The following PDE1A variants were observed in gnomAD, a reference collection of about 807,000 sequenced individuals.
The protein encoded by PDE1A is phosphodiesterase 1A.
PDE1A carries 35 observed loss-of-function variants against 61.7 expected under a neutral mutation model. The observed-to-expected ratio is 0.57, with a 90% CI of 0.43 to 0.75. PDE1A has a LOEUF of 0.75. PDE1A is among the 30% of genes least tolerant of loss of function. PDE1A has a pLI of 0.00. For missense variants in PDE1A, 597 were observed against 630.6 expected, an observed-to-expected ratio of 0.95 and a Z score of 0.57; for synonymous variants, 232 against 213.2, an observed-to-expected ratio of 1.09 and a Z score of -0.77.
the PDE1A span, among the ~76,000 whole-genome samples, chr2:182,669,100 C>A: frequency 6.7e-6 from 1 of 149,556 alleles, no homozygotes; most frequent in African/African-American, 2.6e-5. Context: ...GAAGGTTGAA[C>A]TTTGAATTAA....
chr2:182,458,500 G>C (rs1686064840), intron 2 of PDE1A, among the ~76,000 whole-genome samples: 1 of 152,086 alleles, frequency 6.6e-6, no homozygotes, highest in African/African-American at 2.4e-5. Context: ...CAGGCTATGT[G>C]AGGGGGATAT....
At chr2:182,284,760 A>G (rs1053238792) in intron 1 of PDE1A, among the ~76,000 whole-genome samples, 9 of 152,148 alleles carry the variant, frequency 5.9e-5, no homozygotes, top group African/African-American at 2.2e-4. Context: ...TCATCAATAT[A>G]GGATCATGTT....
At chr2:182,621,317 C>A in the PDE1A span, among the ~76,000 whole-genome samples, 1 of 152,228 alleles carries the variant, frequency 6.6e-6, no homozygotes, top group Non-Finnish European at 1.5e-5. Flanking sequence ...ACACTCCCCA[C>A]TCCCTTAACC....
chr2:182,146,580 G>A (rs1184266435), downstream of PDE1A, among the ~76,000 whole-genome samples: 1 of 152,032 alleles, frequency 6.6e-6, no homozygotes, highest in African/African-American at 2.4e-5. Flanking sequence ...TGCTTCCCAG[G>A]TTCAAGCAAC....
the PDE1A span, among the ~76,000 whole-genome samples, chr2:182,711,446 C>G: frequency 5.8e-4 from 88 of 151,998 alleles, no homozygotes; most frequent in African/African-American, 2.1e-3. Context: ...CAGTTTTATA[C>G]ATATGTAAAT....
rs534387630 is a variant in PDE1A at position 182,468,868 on chromosome 2, G to A, written c.101+53408C>T. 2.0e-5 allele frequency among the ~76,000 whole-genome samples: 3 copies of A among 152,070 alleles called. No individual in the cohort carries two copies. The East Asian group carries it at 5.8e-4, about 30-fold the overall frequency. ...TTTTACATCACTAGCAGAGCTCCTG[G>A]GTGACCAGATGCATTGTTAATGAGC... On this transcript the variant is annotated intron_variant, in intron 2 of 14. Transcript: ENST00000410103.
chr2:182,514,725 A>T (rs1161826033), intron 2 of PDE1A, among the ~76,000 whole-genome samples: 5 of 152,168 alleles, frequency 3.3e-5, no homozygotes, highest in Non-Finnish European at 7.3e-5. Flanking sequence ...CTAAAAGAAA[A>T]CCTAGAAAAT....
intron 2 of PDE1A, among the ~76,000 whole-genome samples, chr2:182,453,996 C>T (rs910991631): frequency 4.6e-5 from 7 of 151,998 alleles, no homozygotes; most frequent in African/African-American, 7.2e-5. Context: ...TTGCAGATGA[C>T]ATGACTGTAT....
intron 10 of PDE1A, among the ~76,000 whole-genome samples, chr2:182,189,680 A>G (rs1306975253): frequency 1.3e-5 from 2 of 152,172 alleles, no homozygotes; most frequent in African/African-American, 4.8e-5. Context: ...AAAATAGATT[A>G]ATTGAGCACA....
At chr2:182,498,801 G>A (rs1041378709) in intron 2 of PDE1A, among the ~76,000 whole-genome samples, 1 of 151,898 alleles carries the variant, frequency 6.6e-6, no homozygotes, top group African/African-American at 2.4e-5. Flanking sequence ...AAAATTAGCC[G>A]GACGCGGTGG....
intron 1 of PDE1A, among the ~76,000 whole-genome samples, chr2:182,321,287 C>A (rs1319698432): frequency 6.6e-6 from 1 of 152,134 alleles, no homozygotes; most frequent in Non-Finnish European, 1.5e-5. Context: ...TTTCAATTGG[C>A]ATACTTCTCT....
the PDE1A span, among the ~76,000 whole-genome samples, chr2:182,643,943 A>G: frequency 1.5e-4 from 23 of 152,162 alleles, no homozygotes; most frequent in Admixed American, 8.5e-4. Flanking sequence ...GATTTATACA[A>G]CCAAAATTCT....
At chr2:182,471,652 A>T (rs1427739081) in intron 2 of PDE1A, among the ~76,000 whole-genome samples, 2 of 151,714 alleles carry the variant, frequency 1.3e-5, no homozygotes, top group African/African-American at 4.8e-5. Context: ...TTTTTTAAGA[A>T]TTTTTTTGTA....
intron 1 of PDE1A, among the ~76,000 whole-genome samples, chr2:182,352,044 G>A (rs1013019965): frequency 1.3e-5 from 2 of 152,176 alleles, no homozygotes; most frequent in Non-Finnish European, 2.9e-5. Flanking sequence ...AGACCTTCAT[G>A]GGTCTCTTCA....
Position 182,328,178 on chromosome 2 carries a change from T to A in PDE1A, c.54-63764A>T, listed in dbSNP as rs144959095. 1.0e-3 allele frequency among the ~76,000 whole-genome samples: 159 copies of A among 152,280 alleles called. 1 individual carries two copies. Among genetic ancestry groups the A allele is most frequent in the African/African-American group, 3.6e-3 (149 of 41,566 alleles). On this transcript the variant is annotated intron_variant, in intron 1 of 13. Transcript: ENST00000351439. ...GAGACCAAGAAGGTGTGAAATAGAT[T>A]CTAAGAGAGTATTTAAGCCTGTAGC...
chr2:182,282,238 A>G (rs1444906088), intron 1 of PDE1A, among the ~76,000 whole-genome samples: 2 of 151,966 alleles, frequency 1.3e-5, no homozygotes, highest in African/African-American at 2.4e-5. Context: ...TCCACTATCC[A>G]TGCTCAAGTA....
the PDE1A span, among the ~76,000 whole-genome samples, chr2:182,671,013 T>C: frequency 1.3e-5 from 2 of 152,030 alleles, no homozygotes; most frequent in Non-Finnish European, 2.9e-5. Flanking sequence ...AGATGGGGTT[T>C]CACGATGTTG....
intron 1 of PDE1A, among the ~76,000 whole-genome samples, chr2:182,365,951 C>T (rs1484879613): frequency 6.6e-6 from 1 of 151,884 alleles, no homozygotes; most frequent in African/African-American, 2.4e-5. Flanking sequence ...CCGAGGTGTA[C>T]TGTCAACTGT....
chr2:182,444,163 C>G (rs943098609), intron 2 of PDE1A, among the ~76,000 whole-genome samples: 1 of 152,132 alleles, frequency 6.6e-6, no homozygotes, highest in African/African-American at 2.4e-5. Context: ...TTTCAGTTCA[C>G]CTAAATCATT....
Sources: allele counts gnomAD v4.1 joint callset (sites outside exome capture counted in the v4.1 genomes callset), GRCh38; gene constraint gnomAD v4.1.1; transcripts MANE v1.5; gene names NCBI Gene and HGNC (gene_info 2026-07-23, HGNC 2026-07-21).